The following HYDIN variants were observed in gnomAD, a reference collection of about 807,000 sequenced individuals.
HYDIN encodes the protein HYDIN axonemal central pair apparatus protein.
Under a neutral mutation model 403.9 loss-of-function variants are expected in HYDIN, and 132 were observed. The ratio of observed to expected loss-of-function variants is 0.33; its 90% CI spans 0.28 to 0.38. The LOEUF is 0.38. HYDIN is among the 10% of genes least tolerant of loss of function. HYDIN has a pLI of 1.00. For missense variants in HYDIN, 2,827 were observed against 5,009.5 expected (o/e 0.56, Z 13.15); for synonymous variants, 1,202 against 1,891.7 (o/e 0.64, Z 9.46).
intron 1 of HYDIN, among the ~76,000 whole-genome samples, chr16:71,225,194 ACTTT>A (rs1431609681): frequency 6.6e-6 from 1 of 151,896 alleles, no homozygotes; most frequent in Non-Finnish European, 1.5e-5. Flanking sequence ...GTTCCCCACT[ACTTT>A]CTTTCTGTGT....
At chr16:70,888,973 A>C (rs2041317066) in intron 58 of HYDIN, among the ~76,000 whole-genome samples, 2 of 152,230 alleles carry the variant, frequency 1.3e-5, no homozygotes, top group Admixed American at 1.3e-4. Flanking sequence ...GCAGAAAGAA[A>C]GTAGGAGTAG....
At chr16:70,925,845 A>T (rs1412530327) in intron 45 of HYDIN, among the ~76,000 whole-genome samples, 1 of 152,200 alleles carries the variant, frequency 6.6e-6, no homozygotes, top group Non-Finnish European at 1.5e-5. Context: ...ATGCAGCCAA[A>T]AAACACATGA....
At chr16:70,964,701 G>A (rs374394364) in intron 37 of HYDIN, 27 bp downstream of exon 37, 4 of 1,612,144 alleles carry the variant, frequency 2.5e-6, no homozygotes, top group Middle Eastern at 1.6e-4. Context: ...TGGTTAGCAT[G>A]AGGTGTTCTC....
At chr16:71,094,816 G>A (rs140370818) in intron 10 of HYDIN, among the ~76,000 whole-genome samples, 8,578 of 151,946 alleles carry the variant, frequency 0.056, 366 homozygotes, top group East Asian at 0.14. Flanking sequence ...TCCCTGGCTG[G>A]TTGGATGGGG....
intron 10 of HYDIN, among the ~76,000 whole-genome samples, chr16:71,101,536 GA>G (rs2083454704): frequency 6.9e-6 from 1 of 145,334 alleles, no homozygotes; most frequent in South Asian, 2.3e-4. Context: ...GGCCAAATAC[GA>G]ATTTCACAGG....
chr16:70,938,803 C>A, intron 43 of HYDIN, 48 bp from the exon 44 acceptor site: 18 of 1,607,812 alleles, frequency 1.1e-5, no homozygotes, highest in Non-Finnish European at 1.4e-5. Flanking sequence ...CCTTCTCAGT[C>A]TCGCTAGCAG....
At chr16:70,990,839 C>T (rs2079326557) in intron 25 of HYDIN, among the ~76,000 whole-genome samples, 1 of 152,324 alleles carries the variant, frequency 6.6e-6, no homozygotes, top group South Asian at 2.1e-4. Context: ...CCAATTCATA[C>T]TCCTACCCAC....
chr16:71,043,268 G>A (rs1449470748), intron 18 of HYDIN, among the ~76,000 whole-genome samples: 7 of 148,602 alleles, frequency 4.7e-5, no homozygotes, highest in South Asian at 4.3e-4. Flanking sequence ...GGTGTGCCTC[G>A]ACATGGGCCT....
At chr16:71,190,593 C>A (rs1037695705) in intron 1 of HYDIN, among the ~76,000 whole-genome samples, 1 of 152,110 alleles carries the variant, frequency 6.6e-6, no homozygotes, top group Non-Finnish European at 1.5e-5. Flanking sequence ...AGAAAAATCA[C>A]AGAAAAATAA....
chr16:71,218,921 C>A (rs2089040029), intron 1 of HYDIN, among the ~76,000 whole-genome samples: 1 of 152,164 alleles, frequency 6.6e-6, no homozygotes, highest in African/African-American at 2.4e-5. Flanking sequence ...CAAAGCATTG[C>A]AAGACTACTT....
At position 71,129,654 on chromosome 16, in the gene HYDIN, T is replaced by C. The variant is rs1340582449; in HGVS notation, c.1213A>G (p.Thr405Ala). ...TATATGCTCACCAGGGGCTCCACAG[T>C]GAAAACGTTATTGAAGAACAGCTTG... is the stretch of plus-strand genomic sequence containing the variant. ...DSKLFFNNVFTVEPLEGDVWP... is the reference protein window; with the variant it reads ...DSKLFFNNVFAVEPLEGDVWP... The change falls in exon 9 of 86, where the codon ACT becomes GCT. Residue 405 changes from threonine (T) to alanine (A), a missense_variant. Transcript: ENST00000393567. 2 of 1,613,854 alleles carry C rather than the reference T, an allele frequency of 1.2e-6. No individual in the cohort carries two copies. The highest frequency in any genetic ancestry group is 1.7e-6 in the Non-Finnish European group (2 of 1,179,958).
At chr16:71,135,812 G>T (rs1326367833) in intron 8 of HYDIN, among the ~76,000 whole-genome samples, 1 of 143,848 alleles carries the variant, frequency 7.0e-6, no homozygotes, top group Non-Finnish European at 1.5e-5. Flanking sequence ...TTTTTTAAAA[G>T]ATGGCACAGT....
At chr16:70,994,284 TGG>T (rs2079456668) in intron 23 of HYDIN, among the ~76,000 whole-genome samples, 1 of 150,420 alleles carries the variant, frequency 6.6e-6, no homozygotes, top group Non-Finnish European at 1.5e-5. Flanking sequence ...GATGGATGGA[TGG>T]ATGGATGGAT....
Position 70,909,747 on chromosome 16 carries a change from G to C in HYDIN, c.8005-886C>G, listed in dbSNP as rs184175163. 2.2e-5 allele frequency among the ~76,000 whole-genome samples: 3 copies of C among 137,804 alleles called. No individual in the cohort carries two copies. The East Asian group carries it at 6.8e-4, about 31-fold the overall frequency. 90.4% of individuals were successfully genotyped at this position (137,804 alleles called of 152,430 possible). On this transcript the variant is annotated intron_variant, in intron 47 of 85. Transcript: ENST00000393567. ...GTCTCGCTTTGTCGCCCAGGCTGCA[G>C]TGCAGTGGTGCCATCTCAGCTCACT...
chr16:70,950,015 GAA>G (rs956672549), intron 41 of HYDIN, among the ~76,000 whole-genome samples: 1 of 150,786 alleles, frequency 6.6e-6, no homozygotes, highest in African/African-American at 2.4e-5. Flanking sequence ...AAAAGAGGGT[GAA>G]AAGGATAGTG....
At position 70,894,325 on chromosome 16, in the gene HYDIN, C is replaced by T. The variant is rs1331336588; in HGVS notation, c.9248+124G>A. The T allele has an allele frequency of 1.3e-5, 18 of 1,370,120 alleles. No individual in the cohort carries two copies. In the South Asian group the frequency reaches 2.3e-4, roughly 18 times the overall value. The allele number at this position is 1,370,120 out of a possible 1,614,324, so 84.9% of individuals were successfully genotyped here. On this transcript the variant is annotated intron_variant, in intron 55 of 85. Transcript: ENST00000393567. ...ATAAGTTTCCCAGACACGCTATTCC[C>T]CACGGTGGACTTGACGGCCGCAAAC...
rs200936641 is a variant in HYDIN, at chr16:70,979,822, C to A, written c.4511-781G>T. Among the ~76,000 whole-genome samples, 102 of 152,100 alleles carry A rather than the reference C, an allele frequency of 6.7e-4. No homozygotes were observed. In the East Asian group the frequency reaches 0.016, roughly 23 times the overall value. On this transcript the variant is annotated intron_variant, in intron 29 of 85. Transcript: ENST00000393567. Reference sequence around the variant, plus strand: ...GGCTGTAATCCCAGCTACTGGGGAGCCTGAGGCATGAGAATCGCTTGAGCC... The same window carrying A: ...GGCTGTAATCCCAGCTACTGGGGAGACTGAGGCATGAGAATCGCTTGAGCC...
intron 10 of HYDIN, among the ~76,000 whole-genome samples, chr16:71,097,849 G>A (rs10775319): frequency 6.6e-6 from 1 of 151,856 alleles, no homozygotes; most frequent in East Asian, 1.9e-4. Flanking sequence ...ATTACAGAAA[G>A]TATGCTTAGA....
intron 41 of HYDIN, among the ~76,000 whole-genome samples, chr16:70,944,532 G>C (rs1009246721): frequency 6.6e-6 from 1 of 152,112 alleles, no homozygotes; most frequent in East Asian, 1.9e-4. Flanking sequence ...CTCTTTCAAC[G>C]CAAGTGTGCT....
Sources: gnomAD v4.1 joint callset for allele counts (sites outside exome capture counted in the v4.1 genomes callset) on GRCh38, gnomAD v4.1.1 for gene constraint, MANE v1.5 for transcripts, NCBI Gene and HGNC (gene_info 2026-07-23, HGNC 2026-07-21) for gene names.